The following LRP1B variants were observed in gnomAD, a reference collection of about 807,000 sequenced individuals.
The protein encoded by LRP1B is low-density lipoprotein receptor-related protein 1B.
In LRP1B, 217 loss-of-function variants were observed where a neutral mutation model predicts 556.6. The observed-to-expected ratio is 0.39, with a 90% CI of 0.35 to 0.44. LRP1B has a LOEUF of 0.44. LRP1B is among the 20% of genes least tolerant of loss of function. The pLI is 1.00. For missense variants in LRP1B, 5,053 were observed against 5,620.8 expected (o/e 0.90, Z 3.23); for synonymous variants, 2,047 against 1,865.8 (o/e 1.10, Z -2.50).
intron 1 of LRP1B, among the ~76,000 whole-genome samples, chr2:141,958,737 C>G (rs1349607083): frequency 6.6e-6 from 1 of 151,960 alleles, no homozygotes; most frequent in Non-Finnish European, 1.5e-5. Context: ...CTACATTCTG[C>G]TGCATAATAT....
At chr2:140,502,208 T>G (rs1473666549) in intron 54 of LRP1B, among the ~76,000 whole-genome samples, 1 of 151,988 alleles carries the variant, frequency 6.6e-6, no homozygotes, top group Non-Finnish European at 1.5e-5. Flanking sequence ...GTTTGACAAT[T>G]CCCTCAAGCC....
chr2:141,617,512 T>C (rs969170270), intron 2 of LRP1B, among the ~76,000 whole-genome samples: 1 of 152,206 alleles, frequency 6.6e-6, no homozygotes, highest in Admixed American at 6.5e-5. Context: ...TTTATTTCTA[T>C]AAAATTTTCT....
intron 1 of LRP1B, among the ~76,000 whole-genome samples, chr2:141,961,939 T>C (rs1370642130): frequency 6.6e-6 from 1 of 151,748 alleles, no homozygotes; most frequent in Non-Finnish European, 1.5e-5. Context: ...GGAAAAAGTG[T>C]TTTTAATATG....
At chr2:140,885,021 T>C (rs1333485570) in intron 24 of LRP1B, among the ~76,000 whole-genome samples, 2 of 152,154 alleles carry the variant, frequency 1.3e-5, no homozygotes, top group Non-Finnish European at 2.9e-5. Flanking sequence ...CAGCCAAAAC[T>C]TTCATTTTTA....
chr2:140,389,208 G>T (rs915457801), intron 66 of LRP1B, among the ~76,000 whole-genome samples: 2 of 151,912 alleles, frequency 1.3e-5, no homozygotes, highest in African/African-American at 4.8e-5. Context: ...TCCCAGAAAG[G>T]TAATATGAGA....
intron 32 of LRP1B, among the ~76,000 whole-genome samples, chr2:140,791,180 G>A (rs538001323): frequency 6.6e-6 from 1 of 152,066 alleles, no homozygotes; most frequent in Non-Finnish European, 1.5e-5. Flanking sequence ...TTTGAACCCA[G>A]GAGGCAGAGG....
intron 66 of LRP1B, among the ~76,000 whole-genome samples, chr2:140,438,967 G>C (rs1158894408): frequency 6.6e-6 from 1 of 152,150 alleles, no homozygotes; most frequent in Non-Finnish European, 1.5e-5. Flanking sequence ...AAATATTTTA[G>C]AGGCATTCAG....
At chr2:141,901,852 A>G (rs189022261) in intron 1 of LRP1B, among the ~76,000 whole-genome samples, 259 of 151,998 alleles carry the variant, frequency 1.7e-3, no homozygotes, top group African/African-American at 5.7e-3. Context: ...TAATTATTTG[A>G]ATGATGTCAA....
chr2:141,681,694 G>T (rs975826811), intron 2 of LRP1B, among the ~76,000 whole-genome samples: 1 of 152,052 alleles, frequency 6.6e-6, no homozygotes, highest in Admixed American at 6.6e-5. Context: ...AGATGCAGCC[G>T]AAAGAATACT....
rs556280158 is a variant in LRP1B, at chr2:141,042,295, G to GA, written c.1789+6690dup. Among the ~76,000 whole-genome samples, 43 of 151,058 alleles carry GA rather than the reference G, an allele frequency of 2.8e-4. No individual in the cohort carries two copies. In the South Asian group the frequency reaches 3.3e-3, roughly 12 times the overall value. ...TCAACAGGCATGCTTATTGTTAAGA[G>GA]AAAAAAAAATGGGCGTTCCCTAAGC... On this transcript the variant is annotated intron_variant, in intron 11 of 90. Coordinates refer to ENST00000389484, the MANE Select transcript of LRP1B (RefSeq NM_018557.3).
chr2:141,235,645 T>G (rs973355415), intron 5 of LRP1B, among the ~76,000 whole-genome samples: 2 of 152,138 alleles, frequency 1.3e-5, no homozygotes, highest in Non-Finnish European at 2.9e-5. Context: ...TTTTTCAGTT[T>G]TCTGCAGGGT....
intron 2 of LRP1B, among the ~76,000 whole-genome samples, chr2:141,623,513 C>T (rs1688579646): frequency 6.6e-6 from 1 of 151,998 alleles, no homozygotes. Flanking sequence ...GATAGCAATC[C>T]CCACTGTTCT....
intron 3 of LRP1B, among the ~76,000 whole-genome samples, chr2:141,350,625 G>A (rs1228459079): frequency 6.6e-6 from 1 of 152,000 alleles, no homozygotes; most frequent in Non-Finnish European, 1.5e-5. Context: ...ATTAAATCTG[G>A]AATATTTTGT....
intron 6 of LRP1B, among the ~76,000 whole-genome samples, chr2:141,196,789 G>A (rs1040651609): frequency 6.6e-6 from 1 of 152,002 alleles, no homozygotes; most frequent in Non-Finnish European, 1.5e-5. Context: ...AAACTGCAAC[G>A]GTTTACTCCT....
intron 11 of LRP1B, among the ~76,000 whole-genome samples, chr2:141,039,207 C>G (rs1474497946): frequency 6.6e-6 from 1 of 152,012 alleles, no homozygotes; most frequent in Admixed American, 6.6e-5. Flanking sequence ...TACTGGCCAC[C>G]CAGGTTGTAA....
chr2:141,144,900 C>T (rs1701743270), intron 7 of LRP1B, among the ~76,000 whole-genome samples: 1 of 152,178 alleles, frequency 6.6e-6, no homozygotes. Context: ...ACTCGATTAA[C>T]TAACTACAGA....
intron 66 of LRP1B, among the ~76,000 whole-genome samples, chr2:140,388,602 T>C (rs1683869304): frequency 6.6e-6 from 1 of 152,196 alleles, no homozygotes; most frequent in Admixed American, 6.5e-5. Context: ...TGTAAAGTTA[T>C]ACAAATTTTA....
At chr2:141,888,099 T>C (rs1699180263) in intron 1 of LRP1B, among the ~76,000 whole-genome samples, 1 of 152,120 alleles carries the variant, frequency 6.6e-6, no homozygotes, top group Non-Finnish European at 1.5e-5. Context: ...TCCATGAGGG[T>C]GGAATGACTC....
chr2:140,294,654 A>G (rs1487589441), intron 84 of LRP1B, among the ~76,000 whole-genome samples: 2 of 152,210 alleles, frequency 1.3e-5, no homozygotes, highest in Admixed American at 6.5e-5. Flanking sequence ...GAGAGGCTGC[A>G]GACCTAGGAT....
Sources: allele counts gnomAD v4.1 joint callset (sites outside exome capture counted in the v4.1 genomes callset), GRCh38; gene constraint gnomAD v4.1.1; transcripts MANE v1.5; gene names NCBI Gene and HGNC (gene_info 2026-07-23, HGNC 2026-07-21).